The following LHFPL3 variants were observed in gnomAD, a reference collection of about 807,000 sequenced individuals.
LHFPL3 encodes LHFPL tetraspan subfamily member 3 protein.
In LHFPL3, 5 loss-of-function variants were observed where a neutral mutation model predicts 19.3. The ratio of observed to expected loss-of-function variants is 0.26; its 90% CI spans 0.14 to 0.54. The LOEUF (loss-of-function observed/expected upper bound fraction) is 0.54. LHFPL3 is among the 20% of genes least tolerant of loss of function. The probability of loss-of-function intolerance (pLI) is 0.94; values close to 1 mark genes in which losing one functional copy is unlikely to be tolerated. For synonymous variants in LHFPL3, 133 were observed against 126.2 expected, an observed-to-expected ratio of 1.05 and a Z score of -0.36; for missense variants, 249 against 307.4, an observed-to-expected ratio of 0.81 and a Z score of 1.42.
chr7:104,784,451 G>A (rs79404072), intron 2 of LHFPL3, among the ~76,000 whole-genome samples: 3,963 of 152,232 alleles, frequency 0.026, 164 homozygotes, highest in African/African-American at 0.089. Context: ...TCAGCACACA[G>A]CTAATATGCC....
At chr7:104,878,744 A>C (rs1034802614) in intron 2 of LHFPL3, among the ~76,000 whole-genome samples, 2 of 152,230 alleles carry the variant, frequency 1.3e-5, no homozygotes, top group Non-Finnish European at 2.9e-5. Context: ...AGACAGGATA[A>C]AAGCTAGGAC....
At chr7:104,454,135 C>A (rs900547651) in intron 1 of LHFPL3, among the ~76,000 whole-genome samples, 2 of 152,082 alleles carry the variant, frequency 1.3e-5, no homozygotes, top group African/African-American at 4.8e-5. Flanking sequence ...GGGAAGCTAA[C>A]CAAAGAGGGA....
intron 1 of LHFPL3, among the ~76,000 whole-genome samples, chr7:104,371,916 G>A (rs1790624098): frequency 6.6e-6 from 1 of 152,182 alleles, no homozygotes; most frequent in African/African-American, 2.4e-5. Flanking sequence ...ACCAAAGTCT[G>A]GAGCAGAATT....
chr7:104,617,593 C>CTAG (rs1791370252), intron 1 of LHFPL3, among the ~76,000 whole-genome samples: 1 of 152,154 alleles, frequency 6.6e-6, no homozygotes, highest in Non-Finnish European at 1.5e-5. Context: ...TTCCTAGACG[C>CTAG]TTTCTAATGT....
In LHFPL3 at chr7:104,871,315, C is replaced by G. The variant is rs112985518; in HGVS notation, c.683-34872C>G. ...TGTGTATCTAAACATAGAAAAGGTA[C>G]AGTAAAAATATGGTATAAAGGATAA... On this transcript the variant is annotated intron_variant, in intron 2 of 2. Transcript: ENST00000424859. Among the ~76,000 whole-genome samples the G allele has an allele frequency of 8.7e-3, 1,320 of 152,152 alleles. 17 individuals are homozygous for G. Among genetic ancestry groups the G allele is most frequent in the Non-Finnish European group, 0.011 (781 of 68,012 alleles).
intron 1 of LHFPL3, among the ~76,000 whole-genome samples, chr7:104,431,340 A>T (rs962965874): frequency 6.6e-6 from 1 of 152,190 alleles, no homozygotes; most frequent in African/African-American, 2.4e-5. Context: ...AATTCTTAAT[A>T]TAGTACTGTC....
intron 1 of LHFPL3, among the ~76,000 whole-genome samples, chr7:104,389,133 A>G (rs1022356853): frequency 6.6e-6 from 1 of 152,172 alleles, no homozygotes; most frequent in African/African-American, 2.4e-5. Context: ...AGAAATCCAC[A>G]CACATACAAA....
rs2188171 is a variant in LHFPL3, at chr7:104,431,912, C to A, written c.445+102688C>A. On this transcript the variant is annotated intron_variant, in intron 1 of 2. Transcript: ENST00000424859. ...TGGTCTGCCAGTCCTGGAGGTTTGA[C>A]TGGGAGAGGAGGTAGAGGAATAAAT... Among the ~76,000 whole-genome samples, 1,669 of 152,234 alleles carry A rather than the reference C, an allele frequency of 0.011. 80 individuals are homozygous for A. In the East Asian group the frequency reaches 0.16, roughly 15 times the overall value.
intron 2 of LHFPL3, among the ~76,000 whole-genome samples, chr7:104,830,020 AT>A (rs1281876356): frequency 6.6e-6 from 1 of 151,968 alleles, no homozygotes; most frequent in Non-Finnish European, 1.5e-5. Context: ...AATGATCGCC[AT>A]TCTAACTGGT....
At chr7:104,734,365 A>G (rs1562976405) in intron 1 of LHFPL3, among the ~76,000 whole-genome samples, 1 of 152,202 alleles carries the variant, frequency 6.6e-6, no homozygotes, top group Non-Finnish European at 1.5e-5. Context: ...CCAATCAGAC[A>G]TAGATTTGGT....
At chr7:104,530,911 C>T (rs937038149) in intron 1 of LHFPL3, among the ~76,000 whole-genome samples, 2 of 152,174 alleles carry the variant, frequency 1.3e-5, no homozygotes, top group South Asian at 4.1e-4. Context: ...TATCGATTTA[C>T]ACATACACTT....
intron 1 of LHFPL3, among the ~76,000 whole-genome samples, chr7:104,481,039 T>G (rs1793125918): frequency 6.6e-6 from 1 of 152,168 alleles, no homozygotes; most frequent in Non-Finnish European, 1.5e-5. Context: ...CACATCACTT[T>G]GCCTTGCTGG....
At chr7:104,895,981 C>G (rs1792350379) in intron 2 of LHFPL3, 1 of 152,288 alleles carries the variant, frequency 6.6e-6, no homozygotes, top group Non-Finnish European at 1.5e-5. Context: ...TGAGGCCCCT[C>G]TCCTTGGCTT....
chr7:104,683,813 A>G (rs1370560403), intron 1 of LHFPL3, among the ~76,000 whole-genome samples: 2 of 152,240 alleles, frequency 1.3e-5, no homozygotes, highest in African/African-American at 2.4e-5. Flanking sequence ...TGACATTTGT[A>G]CAATATTTAA....
intron 2 of LHFPL3, among the ~76,000 whole-genome samples, chr7:104,777,312 G>C (rs1025487432): frequency 1.3e-5 from 2 of 152,196 alleles, no homozygotes; most frequent in African/African-American, 4.8e-5. Flanking sequence ...GAGCCATTGT[G>C]CTTAAGTGCT....
chr7:104,370,311 A>G (rs1790587222), intron 1 of LHFPL3, among the ~76,000 whole-genome samples: 1 of 152,188 alleles, frequency 6.6e-6, no homozygotes, highest in Non-Finnish European at 1.5e-5. Context: ...AACTTGCTGC[A>G]CCGACTGGAT....
rs1482489436 is a variant in LHFPL3 at position 104,328,745 on chromosome 7, CCAGGAG to C, written c.-34_-29del. The C allele has an allele frequency of 6.7e-6, 10 of 1,496,352 alleles. No homozygotes were observed. Among genetic ancestry groups the C allele is most frequent in the Non-Finnish European group, 8.9e-6 (10 of 1,121,146 alleles). 92.7% of individuals were successfully genotyped at this position (1,496,352 alleles called of 1,614,324 possible). Reference sequence around the variant, plus strand: ...CTGAGAGGCGGGGGGAGGCGGAGGACCAGGAGGAGGAGGAGGAGGAGGAGGAGGGGG... The same window carrying C: ...CTGAGAGGCGGGGGGAGGCGGAGGACGAGGAGGAGGAGGAGGAGGAGGGGG... On this transcript the variant is annotated 5_prime_UTR_variant, in exon 1 of 3. Transcript: ENST00000424859. The surrounding 1 kb of genome is among the most constrained non-coding windows in gnomAD (Gnocchi z 4.6).
chr7:104,495,076 C>G (rs1793434848), intron 1 of LHFPL3, among the ~76,000 whole-genome samples: 1 of 152,178 alleles, frequency 6.6e-6, no homozygotes, highest in Non-Finnish European at 1.5e-5. Flanking sequence ...ATATATCACT[C>G]TGTTTCCTCT....
chr7:104,788,121 C>T (rs578194239), intron 2 of LHFPL3, among the ~76,000 whole-genome samples: 11 of 152,222 alleles, frequency 7.2e-5, no homozygotes, highest in African/African-American at 1.7e-4. Flanking sequence ...TCTGCTCACG[C>T]GTGGGGGAAA....
Sources: allele counts gnomAD v4.1 joint callset (sites outside exome capture counted in the v4.1 genomes callset), GRCh38; gene constraint gnomAD v4.1.1; non-coding constraint Gnocchi (gnomAD v3.1); transcripts MANE v1.5; gene names NCBI Gene and HGNC (gene_info 2026-07-23, HGNC 2026-07-21).